The following ADGRL3 variants were observed in gnomAD, a reference collection of about 807,000 sequenced individuals.
ADGRL3 encodes the protein calcium-independent alpha-latrotoxin receptor 3.
Under a neutral mutation model 153.5 loss-of-function variants are expected in ADGRL3, and 62 were observed. That is an observed-to-expected ratio of 0.40 (90% CI 0.33 to 0.50). The LOEUF is 0.50. Among genes scored for constraint, ADGRL3 ranks in the 20% least tolerant of loss-of-function variants. The pLI, the probability that ADGRL3 is intolerant of heterozygous loss-of-function variation, is 0.47. For synonymous variants in ADGRL3, 710 were observed against 672.5 expected, an observed-to-expected ratio of 1.06 and a Z score of -0.86; for missense variants, 1,641 against 1,859.4, an observed-to-expected ratio of 0.88 and a Z score of 2.16.
chr4:61,597,226 A>C (rs933833338), intron 5 of ADGRL3, among the ~76,000 whole-genome samples: 1 of 152,170 alleles, frequency 6.6e-6, no homozygotes, highest in Non-Finnish European at 1.5e-5. Context: ...CTTGGCAAAG[A>C]ATATAAGTCT....
chr4:61,753,973 G>A (rs1000181018), intron 8 of ADGRL3, among the ~76,000 whole-genome samples: 6 of 152,132 alleles, frequency 3.9e-5, no homozygotes, highest in African/African-American at 1.2e-4. Context: ...AGATTTGGGT[G>A]AAATCCACTC....
At chr4:61,956,055 A>ATAT (rs2098965083) in intron 17 of ADGRL3, among the ~76,000 whole-genome samples, 1 of 152,172 alleles carries the variant, frequency 6.6e-6, no homozygotes, top group Non-Finnish European at 1.5e-5. Context: ...TATACCCAGT[A>ATAT]ATGGGATTGC....
At chr4:61,911,651 C>T (rs2098722444) in intron 12 of ADGRL3, among the ~76,000 whole-genome samples, 1 of 152,066 alleles carries the variant, frequency 6.6e-6, no homozygotes, top group Non-Finnish European at 1.5e-5. Context: ...AGTCAGTGAT[C>T]CAAGTGACAG....
chr4:61,290,480 A>G (rs531537782), intron 1 of ADGRL3, among the ~76,000 whole-genome samples: 1 of 152,164 alleles, frequency 6.6e-6, no homozygotes, highest in Middle Eastern at 3.4e-3. Flanking sequence ...AGATAAGGAT[A>G]ACATTTAAAT....
chr4:61,352,886 A>G (rs2096077630), intron 1 of ADGRL3, among the ~76,000 whole-genome samples: 1 of 152,198 alleles, frequency 6.6e-6, no homozygotes, highest in Non-Finnish European at 1.5e-5. Context: ...TTACTTTTGC[A>G]CCAACCCAAT....
chr4:62,017,216 G>A (rs573873847), intron 21 of ADGRL3, among the ~76,000 whole-genome samples: 1 of 152,016 alleles, frequency 6.6e-6, no homozygotes, highest in South Asian at 2.1e-4. Flanking sequence ...GATCGCAATT[G>A]AGCAGGTCCC....
At chr4:61,400,669 A>G (rs1033986860) in intron 2 of ADGRL3, among the ~76,000 whole-genome samples, 24 of 151,780 alleles carry the variant, frequency 1.6e-4, no homozygotes, top group African/African-American at 5.8e-4. Context: ...TTAAATTTTA[A>G]TCACACAAGT....
chr4:61,816,597 A>C (rs28534995), intron 9 of ADGRL3, among the ~76,000 whole-genome samples: 59,295 of 152,098 alleles, frequency 0.39, 12,429 homozygotes, highest in East Asian at 0.62. Flanking sequence ...AGTCATATAA[A>C]AAGTAAAATA....
At chr4:61,966,684 T>A (rs1054684182) in intron 17 of ADGRL3, among the ~76,000 whole-genome samples, 9 of 151,952 alleles carry the variant, frequency 5.9e-5, no homozygotes, top group Non-Finnish European at 1.2e-4. Flanking sequence ...CCCAGAAAAC[T>A]CTGTTTCAAT....
intron 1 of ADGRL3, among the ~76,000 whole-genome samples, chr4:61,218,276 TC>T (rs1455162323): frequency 1.3e-5 from 2 of 151,562 alleles, no homozygotes; most frequent in Non-Finnish European, 2.9e-5. Flanking sequence ...GAATCATTAA[TC>T]GTTTTCATTC....
At position 61,980,687 on chromosome 4, in the gene ADGRL3, C is replaced by T. The variant is rs761595706; in HGVS notation, c.3015+915C>T. Among the ~76,000 whole-genome samples, 84 of 152,208 alleles carry T rather than the reference C, an allele frequency of 5.5e-4. 1 individual carries two copies. Among genetic ancestry groups the T allele is most frequent in the Middle Eastern group, 6.8e-3 (2 of 294 alleles). ...AAATCCTGGATTCAATCGATCCACC[C>T]GCCTCAGCCTCCCAAAGTGCTGGGA... On this transcript the variant is annotated intron_variant, in intron 18 of 26. Coordinates refer to ENST00000683033, the MANE Select transcript of ADGRL3 (RefSeq NM_001387552.1).
intron 3 of ADGRL3, among the ~76,000 whole-genome samples, chr4:61,508,316 T>TA (rs1209087550): frequency 2.6e-5 from 4 of 152,142 alleles, no homozygotes; most frequent in African/African-American, 7.2e-5. Context: ...AAAGCAATCT[T>TA]AAAAAGTTGG....
rs75386907 is a variant in ADGRL3, at chr4:61,418,502, A to G, written c.-174+35313A>G. Among the ~76,000 whole-genome samples, 1,388 of 144,108 alleles carry G rather than the reference A, an allele frequency of 9.6e-3. 103 individuals carry two copies. Among genetic ancestry groups the G allele is most frequent in the African/African-American group, 0.036 (1,306 of 36,274 alleles). 94.5% of individuals were successfully genotyped at this position (144,108 alleles called of 152,430 possible). On this transcript the variant is annotated intron_variant, in intron 2 of 26. Transcript: ENST00000683033. ...TGTGCATTTCTTCTGTATCTTCAGC[A>G]TGGTCTGTGCCTTTGTCTTTTTGCA...
intron 6 of ADGRL3, among the ~76,000 whole-genome samples, chr4:61,700,186 A>C (rs2095727010): frequency 6.6e-6 from 1 of 152,198 alleles, no homozygotes; most frequent in Non-Finnish European, 1.5e-5. Context: ...GATGAAGAGA[A>C]TATAGATGTA....
At chr4:61,326,974 T>C (rs2095478184) in intron 1 of ADGRL3, among the ~76,000 whole-genome samples, 1 of 152,002 alleles carries the variant, frequency 6.6e-6, no homozygotes, top group African/African-American at 2.4e-5. Context: ...TAGGGTTATG[T>C]GAATTGTTAT....
At position 61,563,506 on chromosome 4, in the gene ADGRL3, C is replaced by A. The variant is rs142422644; in HGVS notation, c.260-23721C>A. ...TCAGCCCGTCCTTTGAAGTTTGAAGCCAGGCATTGACTATTCTCAGCTAGG... is the reference window on the plus strand; with the variant it reads ...TCAGCCCGTCCTTTGAAGTTTGAAGACAGGCATTGACTATTCTCAGCTAGG... On this transcript the variant is annotated intron_variant, in intron 4 of 26. Transcript: ENST00000683033. Among the ~76,000 whole-genome samples the A allele has an allele frequency of 2.9e-4, 44 of 152,270 alleles. 1 individual carries two copies. The East Asian group carries it at 6.0e-3, about 21-fold the overall frequency.
intron 2 of ADGRL3, among the ~76,000 whole-genome samples, chr4:61,419,817 G>A (rs1001331618): frequency 4.8e-5 from 7 of 145,526 alleles, no homozygotes; most frequent in African/African-American, 1.8e-4. Flanking sequence ...TTTTTGAGAT[G>A]GAGTTTTGCT....
chr4:61,925,176 TGAA>T (rs2098789190), intron 13 of ADGRL3, among the ~76,000 whole-genome samples: 1 of 152,190 alleles, frequency 6.6e-6, no homozygotes, highest in African/African-American at 2.4e-5. Flanking sequence ...TTCTAGTTCC[TGAA>T]GAAGAATTTT....
chr4:61,869,370 G>A (rs750905580), intron 9 of ADGRL3, among the ~76,000 whole-genome samples: 21 of 151,574 alleles, frequency 1.4e-4, no homozygotes, highest in African/African-American at 3.1e-4. Context: ...AGGCCGAGGC[G>A]GGTGGATCAT....
Sources: allele counts gnomAD v4.1 joint callset (sites outside exome capture counted in the v4.1 genomes callset), GRCh38; gene constraint gnomAD v4.1.1; transcripts MANE v1.5; gene names NCBI Gene and HGNC (gene_info 2026-07-23, HGNC 2026-07-21).